Variants in TPD52 observed in about 807,000 individuals in gnomAD.
The protein encoded by TPD52 is prostate and colon associated protein.
Under a neutral mutation model 31.3 loss-of-function variants are expected in TPD52, and 17 were observed. The observed-to-expected ratio is 0.54, with a 90% CI of 0.37 to 0.82. The LOEUF (loss-of-function observed/expected upper bound fraction) is 0.82. Ranked by LOEUF, TPD52 falls within the 40% of genes least tolerant of loss-of-function variation. The pLI is 0.00. For synonymous variants in TPD52, 83 were observed against 89.6 expected (o/e 0.93, Z 0.42); for missense variants, 212 against 240.1 (o/e 0.88, Z 0.77).
rs530836546 is a variant in TPD52, at chr8:80,103,510, G to A, written c.20-38917C>T. 7.9e-5 allele frequency among the ~76,000 whole-genome samples: 12 copies of A among 152,328 alleles called. No individual in the cohort carries two copies. In the South Asian group the frequency reaches 2.5e-3, roughly 32 times the overall value. ...ACTAAACTGCTGAAAATGTAAATGT[G>A]CTTAAGATTTTCTTTTATCAGATCT... On this transcript the variant is annotated intron_variant, in intron 1 of 7. Transcript: ENST00000518937.
At chr8:80,041,606 G>A (rs183413306) in intron 7 of TPD52, among the ~76,000 whole-genome samples, 192 of 152,198 alleles carry the variant, frequency 1.3e-3, no homozygotes, top group Non-Finnish European at 1.9e-3. Context: ...TGATTTTATA[G>A]CTTTGAATAT....
At chr8:80,131,184 C>T (rs1389180372) in intron 1 of TPD52, among the ~76,000 whole-genome samples, 1 of 151,910 alleles carries the variant, frequency 6.6e-6, no homozygotes, top group South Asian at 2.1e-4. Context: ...GTGTTGAGAT[C>T]AGGAGAAAAA....
intron 1 of TPD52, among the ~76,000 whole-genome samples, chr8:80,070,483 C>G (rs1813654339): frequency 6.6e-6 from 1 of 152,114 alleles, no homozygotes; most frequent in South Asian, 2.1e-4. Flanking sequence ...CACCTCAGAT[C>G]ATCAGGCATT....
At chr8:80,161,218 C>T (rs377446344) in intron 1 of TPD52, among the ~76,000 whole-genome samples, 3 of 152,228 alleles carry the variant, frequency 2.0e-5, no homozygotes, top group Non-Finnish European at 4.4e-5. Flanking sequence ...TATGTATACA[C>T]ACACATTCTT....
At position 80,060,589 on chromosome 8, in the gene TPD52, C is replaced by T. The variant is rs145927264; in HGVS notation, c.135+3889G>A. 2.9e-3 allele frequency among the ~76,000 whole-genome samples: 440 copies of T among 149,998 alleles called. 7 individuals carry two copies. The highest frequency in any genetic ancestry group is 0.01 in the African/African-American group (414 of 39,454). On this transcript the variant is annotated intron_variant, in intron 2 of 7. Coordinates refer to ENST00000518937, the MANE Select transcript of TPD52 (RefSeq NM_001025253.3). ...AGCAGCCCATATCTCCTATGAATATCCAGCAGCATATTAAAAGGATTATAA... is the reference window on the plus strand; with the variant it reads ...AGCAGCCCATATCTCCTATGAATATTCAGCAGCATATTAAAAGGATTATAA...
chr8:80,114,294 C>T (rs1807709076), intron 1 of TPD52, among the ~76,000 whole-genome samples: 1 of 152,096 alleles, frequency 6.6e-6, no homozygotes, highest in Admixed American at 6.6e-5. Flanking sequence ...CACCTATACA[C>T]CCATTCCCCA....
At chr8:80,108,418 A>AT (rs911372814) in intron 1 of TPD52, among the ~76,000 whole-genome samples, 11 of 152,160 alleles carry the variant, frequency 7.2e-5, no homozygotes, top group Non-Finnish European at 1.3e-4. Flanking sequence ...AAATAACCAG[A>AT]TTTTTTTGTC....
chr8:80,131,216 G>A (rs1004473192), intron 1 of TPD52, among the ~76,000 whole-genome samples: 2 of 152,152 alleles, frequency 1.3e-5, no homozygotes, highest in African/African-American at 4.8e-5. Flanking sequence ...ACAACTCTTT[G>A]AAATATCCAG....
chr8:80,146,935 A>C lies in TPD52; in HGVS notation c.19+24490T>G, dbSNP rs1810237344. 4.6e-5 allele frequency among the ~76,000 whole-genome samples: 7 copies of C among 152,324 alleles called. No individual in the cohort carries two copies. In the South Asian group the frequency reaches 1.4e-3, roughly 32 times the overall value. On this transcript the variant is annotated intron_variant, in intron 1 of 7. Transcript: ENST00000518937. ...ATGTGGTCCCTGAACCAGCAGTATC[A>C]GCATCACCTGTGAACTTGCTAAAAA...
chr8:80,125,326 G>A (rs1808528362), intron 1 of TPD52, among the ~76,000 whole-genome samples: 1 of 152,134 alleles, frequency 6.6e-6, no homozygotes, highest in African/African-American at 2.4e-5. Context: ...AAAAACTAAA[G>A]TTAGCCAGGT....
intron 1 of TPD52, among the ~76,000 whole-genome samples, chr8:80,086,425 C>G (rs535010044): frequency 6.6e-6 from 1 of 151,748 alleles, no homozygotes; most frequent in African/African-American, 2.4e-5. Context: ...CCGGAAGGTT[C>G]TAGTTTTTAA....
chr8:80,140,950 C>CAT (rs1554593073), intron 1 of TPD52, among the ~76,000 whole-genome samples: 1 of 143,676 alleles, frequency 7.0e-6, no homozygotes, highest in Non-Finnish European at 1.5e-5. Flanking sequence ...CAATACAACT[C>CAT]GTGTGTGTGT....
At chr8:80,094,430 TTA>T (rs61266725) in intron 1 of TPD52, among the ~76,000 whole-genome samples, 800 of 53,184 alleles carry the variant, frequency 0.015, 7 homozygotes, top group Non-Finnish European at 0.021. Context: ...AAAGAAAATT[TTA>T]TATATATATA....
chr8:80,040,310 C>T (rs1810260556), intron 7 of TPD52, among the ~76,000 whole-genome samples: 1 of 150,656 alleles, frequency 6.6e-6, no homozygotes, highest in Non-Finnish European at 1.5e-5. Flanking sequence ...ACCTCAGCCT[C>T]CCGAGTAGGT....
chr8:80,073,106 G>A (rs1411018031), intron 1 of TPD52, among the ~76,000 whole-genome samples: 1 of 151,718 alleles, frequency 6.6e-6, no homozygotes. Flanking sequence ...GAGAAAGAAA[G>A]AAATACAGAA....
At position 80,053,376 on chromosome 8, in the gene TPD52, G is replaced by A. The variant is rs201667286; in HGVS notation, c.190C>T (p.Leu64=). The A allele has an allele frequency of 6.2e-7, 1 of 1,613,760 alleles. No homozygotes were observed. The highest frequency in any genetic ancestry group is 2.2e-5 in the East Asian group (1 of 44,872). The part of the protein sequence containing the change: ...SQVLAAKEKH[L]AEIKRKLGIN... Reference sequence around the variant, plus strand: ...CCAAGTTTCCGCTTGATCTCTGCTAGATGCTTCTCTTTTGCTGCTAACACT... The same window carrying A: ...CCAAGTTTCCGCTTGATCTCTGCTAAATGCTTCTCTTTTGCTGCTAACACT... The change falls in exon 3 of 8, where the codon CTA becomes TTA. Residue 64 remains leucine (L), a synonymous_variant. Transcript: ENST00000518937.
At chr8:80,092,730 G>C (rs949309009) in intron 1 of TPD52, among the ~76,000 whole-genome samples, 1 of 151,362 alleles carries the variant, frequency 6.6e-6, no homozygotes, top group South Asian at 2.1e-4. Flanking sequence ...CTCGTGAAGA[G>C]AGAGTAAAAT....
At chr8:80,045,152 T>C (rs1810716661) in intron 5 of TPD52, among the ~76,000 whole-genome samples, 1 of 152,232 alleles carries the variant, frequency 6.6e-6, no homozygotes, top group South Asian at 2.1e-4. Flanking sequence ...CTCTCTATCC[T>C]ACAATGGTGG....
At chr8:80,103,652 T>G (rs964342081) in intron 1 of TPD52, among the ~76,000 whole-genome samples, 2 of 152,112 alleles carry the variant, frequency 1.3e-5, no homozygotes, top group African/African-American at 4.8e-5. Flanking sequence ...CATTTGGAGG[T>G]CATCACCAGT....
Sources: gnomAD v4.1 joint callset for allele counts (sites outside exome capture counted in the v4.1 genomes callset) on GRCh38, gnomAD v4.1.1 for gene constraint, MANE v1.5 for transcripts, NCBI Gene and HGNC (gene_info 2026-07-23, HGNC 2026-07-21) for gene names.